Variants in PTPRT observed in about 807,000 individuals in gnomAD.
PTPRT encodes the protein receptor-type tyrosine-protein phosphatase T.
In PTPRT, 56 loss-of-function variants were observed where a neutral mutation model predicts 176.8. That is an observed-to-expected ratio of 0.32 (90% CI 0.26 to 0.40). The LOEUF is 0.40. Ranked by LOEUF, PTPRT falls within the 10% of genes least tolerant of loss-of-function variation. PTPRT has a pLI of 1.00. For synonymous variants in PTPRT, 783 were observed against 739.0 expected (o/e 1.06, Z -0.96); for missense variants, 1,540 against 1,908.2 (o/e 0.81, Z 3.60).
At chr20:43,147,459 T>A (rs931787294) in intron 1 of PTPRT, among the ~76,000 whole-genome samples, 2 of 152,126 alleles carry the variant, frequency 1.3e-5, no homozygotes, top group African/African-American at 2.4e-5. Flanking sequence ...ACCTCCCCCA[T>A]CAGACCAGGG....
intron 2 of PTPRT, among the ~76,000 whole-genome samples, chr20:42,847,852 T>C (rs994745429): frequency 6.6e-6 from 1 of 152,190 alleles, no homozygotes; most frequent in Admixed American, 6.5e-5. Flanking sequence ...ATTTTTTCCA[T>C]AGGTTTTTGG....
intron 17 of PTPRT, among the ~76,000 whole-genome samples, chr20:42,155,563 A>C (rs1989315069): frequency 6.6e-6 from 1 of 152,198 alleles, no homozygotes; most frequent in Non-Finnish European, 1.5e-5. Flanking sequence ...GAGGAGAGTG[A>C]CCTGCCTAAG....
At chr20:42,888,100 A>T (rs2079132124) in intron 1 of PTPRT, among the ~76,000 whole-genome samples, 1 of 152,136 alleles carries the variant, frequency 6.6e-6, no homozygotes, top group Non-Finnish European at 1.5e-5. Context: ...TAAATAACCC[A>T]GTTTAAGGCA....
At chr20:42,440,696 C>G (rs2059307472) in intron 9 of PTPRT, among the ~76,000 whole-genome samples, 1 of 152,106 alleles carries the variant, frequency 6.6e-6, no homozygotes. Context: ...CCAGGATGGT[C>G]TCGATCTCCT....
intron 8 of PTPRT, among the ~76,000 whole-genome samples, chr20:42,470,163 C>A (rs894377597): frequency 6.6e-6 from 1 of 152,188 alleles, no homozygotes; most frequent in South Asian, 2.1e-4. Flanking sequence ...TCTGGCTAGA[C>A]CTTTCAGACC....
intron 7 of PTPRT, among the ~76,000 whole-genome samples, chr20:42,483,811 G>A (rs933772114): frequency 1.2e-4 from 19 of 152,344 alleles, no homozygotes; most frequent in Admixed American, 1.2e-3. Flanking sequence ...TCTGTATCTT[G>A]CTTTACGGTG....
chr20:42,274,906 T>C (rs931404074), intron 13 of PTPRT, among the ~76,000 whole-genome samples: 3 of 152,144 alleles, frequency 2.0e-5, no homozygotes, highest in African/African-American at 4.8e-5. Context: ...AAAAGAGGCA[T>C]GGGAAGAGGT....
At chr20:43,144,002 G>C (rs1377837283) in intron 1 of PTPRT, among the ~76,000 whole-genome samples, 12 of 152,110 alleles carry the variant, frequency 7.9e-5, no homozygotes, top group Non-Finnish European at 1.5e-5. Context: ...GGGACTTTTG[G>C]GTTCTGGTTC....
At chr20:42,569,789 T>C (rs1282016447) in intron 7 of PTPRT, among the ~76,000 whole-genome samples, 1 of 152,178 alleles carries the variant, frequency 6.6e-6, no homozygotes, top group Non-Finnish European at 1.5e-5. Context: ...GTGTTCAAGG[T>C]CTCAAAAGTT....
Position 42,106,635 on chromosome 20 carries a change from T to C in PTPRT, c.3390+151A>G, listed in dbSNP as rs1352242834. On this transcript the variant is annotated intron_variant, in intron 24 of 30. Coordinates refer to ENST00000373187, the MANE Select transcript of PTPRT (RefSeq NM_007050.6). Reference sequence around the variant, plus strand: ...CCTAGCTTCTACAGTAGTCTCACCATAGTAAGCCACGTGTCTACTCCCTCC... The same window carrying C: ...CCTAGCTTCTACAGTAGTCTCACCACAGTAAGCCACGTGTCTACTCCCTCC... 2.1e-5 allele frequency: 22 copies of C among 1,059,334 alleles called. No homozygotes were observed. The East Asian group carries it at 3.2e-4, about 15-fold the overall frequency. The allele number at this position is 1,059,334 out of a possible 1,614,324, so 65.6% of individuals were successfully genotyped here.
intron 1 of PTPRT, among the ~76,000 whole-genome samples, chr20:43,067,211 G>A (rs1413190986): frequency 6.6e-6 from 1 of 152,088 alleles, no homozygotes; most frequent in Admixed American, 6.6e-5. Flanking sequence ...AGTGAGAGAA[G>A]CCAGACACAC....
chr20:42,032,672 T>A, the PTPRT span, among the ~76,000 whole-genome samples: 1 of 152,192 alleles, frequency 6.6e-6, no homozygotes, highest in East Asian at 1.9e-4. Context: ...CTCTAATGAA[T>A]GTCATTAGTG....
intron 2 of PTPRT, among the ~76,000 whole-genome samples, chr20:42,878,953 T>C (rs1487897534): frequency 6.6e-6 from 1 of 152,012 alleles, no homozygotes; most frequent in African/African-American, 2.4e-5. Flanking sequence ...GGCGTGAATC[T>C]GGGAGGCGGA....
chr20:42,885,766 A>G (rs59601716), intron 2 of PTPRT, 41 bp downstream of exon 2: 15,995 of 1,581,164 alleles, frequency 0.01, 237 homozygotes, highest in African/African-American at 0.049. Flanking sequence ...GGTAAAAACT[A>G]GCCATCCCCA....
Position 42,201,028 on chromosome 20 carries a change from A to G in PTPRT, c.2343-1640T>C, listed in dbSNP as rs148398930. Among the ~76,000 whole-genome samples, 19 of 152,342 alleles carry G rather than the reference A, an allele frequency of 1.2e-4. No individual in the cohort carries two copies. In the East Asian group the frequency reaches 3.5e-3, roughly 28 times the overall value. On this transcript the variant is annotated intron_variant, in intron 15 of 30. Transcript: ENST00000373187. ...GTATAAAAGGAAAGGATAAACCTCA[A>G]CTTAGGCTGGGAACAGTGGCTCATG... is the stretch of plus-strand genomic sequence containing the variant.
chr20:42,951,471 C>A (rs1981247400), intron 1 of PTPRT, among the ~76,000 whole-genome samples: 1 of 152,098 alleles, frequency 6.6e-6, no homozygotes, highest in Admixed American at 6.5e-5. Flanking sequence ...AGATGTAAAT[C>A]TAATCATCCA....
chr20:42,718,154 T>C (rs973467324), intron 6 of PTPRT, among the ~76,000 whole-genome samples: 1 of 152,246 alleles, frequency 6.6e-6, no homozygotes, highest in African/African-American at 2.4e-5. Context: ...ACGTGGTTCA[T>C]TATGTCTAAA....
chr20:42,264,919 C>T (rs1239115343), intron 13 of PTPRT, among the ~76,000 whole-genome samples: 2 of 152,232 alleles, frequency 1.3e-5, no homozygotes, highest in Non-Finnish European at 2.9e-5. Flanking sequence ...AGTCACCAGT[C>T]ACAGTCTGGC....
chr20:42,637,296 A>G (rs1018025435), intron 7 of PTPRT, among the ~76,000 whole-genome samples: 2 of 152,162 alleles, frequency 1.3e-5, no homozygotes, highest in South Asian at 2.1e-4. Flanking sequence ...CTAAAAATCC[A>G]AAGTCCTAAC....
Sources: allele counts gnomAD v4.1 joint callset (sites outside exome capture counted in the v4.1 genomes callset), GRCh38; gene constraint gnomAD v4.1.1; transcripts MANE v1.5; gene names NCBI Gene and HGNC (gene_info 2026-07-23, HGNC 2026-07-21).